Variants in CARMIL1 observed in about 807,000 individuals in gnomAD.
The protein encoded by CARMIL1 is F-actin-uncapping protein LRRC16A.
CARMIL1 carries 90 observed loss-of-function variants against 177.1 expected under a neutral mutation model. The ratio of observed to expected loss-of-function variants is 0.51; its 90% confidence interval spans 0.43 to 0.61. The LOEUF (loss-of-function observed/expected upper bound fraction) is 0.61. Among genes scored for constraint, CARMIL1 ranks in the 20% least tolerant of loss-of-function variants. CARMIL1 has a pLI of 0.00. For synonymous variants in CARMIL1, 577 were observed against 606.2 expected (o/e 0.95, Z 0.71); for missense variants, 1,380 against 1,667.0 (o/e 0.83, Z 3.00).
rs1350831738 is a variant in CARMIL1, at chr6:25,515,657, G to A, written c.1633-18G>A. ...CTTTGATGAGACTGCTGAGTGCCGT[G>A]TGTCATTTGCTCCGCAGCCTCTGCA... On this transcript the variant is annotated intron_variant, in intron 20 of 36. Coordinates refer to ENST00000329474, the MANE Select transcript of CARMIL1 (RefSeq NM_017640.6). This position sits in a 1 kb window ranked among gnomAD's most constrained non-coding sequence, Gnocchi z 5.0. 1 of 1,586,196 alleles carries A rather than the reference G, an allele frequency of 6.3e-7. No individual in the cohort carries two copies. The highest frequency in any genetic ancestry group is 1.8e-5 in the Admixed American group (1 of 56,062).
intron 2 of CARMIL1, among the ~76,000 whole-genome samples, chr6:25,419,389 A>G (rs1795640545): frequency 6.6e-6 from 1 of 152,162 alleles, no homozygotes; most frequent in African/African-American, 2.4e-5. Flanking sequence ...CAGAGTGGAA[A>G]GTTTTGTAGT....
chr6:25,535,368 G>A (rs1413682185), intron 24 of CARMIL1, among the ~76,000 whole-genome samples: 1 of 152,192 alleles, frequency 6.6e-6, no homozygotes, highest in African/African-American at 2.4e-5. Context: ...ATTTAAATAT[G>A]TGCAGGACTG....
chr6:25,613,676 T>C (rs1160168878), intron 36 of CARMIL1, among the ~76,000 whole-genome samples: 1 of 152,240 alleles, frequency 6.6e-6, no homozygotes, highest in African/African-American at 2.4e-5. Flanking sequence ...CTGGTTAATA[T>C]ATTAACTTCT....
At chr6:25,618,068 A>C (rs1000974319) in intron 36 of CARMIL1, among the ~76,000 whole-genome samples, 2 of 152,130 alleles carry the variant, frequency 1.3e-5, no homozygotes, top group African/African-American at 2.4e-5. Context: ...CAGAGTTTTG[A>C]GTTATTTCAA....
chr6:25,397,439 C>G (rs897129154), intron 2 of CARMIL1, among the ~76,000 whole-genome samples: 2 of 152,140 alleles, frequency 1.3e-5, no homozygotes, highest in Admixed American at 6.5e-5. Flanking sequence ...GAGGGACAAG[C>G]AGTCAATAGG....
At chr6:25,342,144 A>G (rs1363638828) in intron 2 of CARMIL1, among the ~76,000 whole-genome samples, 4 of 152,214 alleles carry the variant, frequency 2.6e-5, no homozygotes, top group African/African-American at 9.6e-5. Context: ...AATGGTTCAG[A>G]TGGAATGGGA....
At chr6:25,613,513 C>T (rs983411107) in intron 36 of CARMIL1, among the ~76,000 whole-genome samples, 2 of 152,142 alleles carry the variant, frequency 1.3e-5, no homozygotes, top group African/African-American at 2.4e-5. Context: ...GTAGTAAATT[C>T]TGTAATGTTC....
At chr6:25,563,402 A>T in intron 29 of CARMIL1, 1 of 985,272 alleles carries the variant, frequency 1.0e-6, no homozygotes, top group Admixed American at 6.1e-5. Context: ...TAAGGATGTA[A>T]TTCTTGTCTG....
intron 26 of CARMIL1, among the ~76,000 whole-genome samples, chr6:25,546,669 C>CAAAAAAAAAA (rs58285338): frequency 7.1e-4 from 82 of 115,386 alleles, no homozygotes; most frequent in Non-Finnish European, 9.1e-4. Flanking sequence ...ACAACAACAA[C>CAAAAAAAAAA]AAAAAAAAAA....
In CARMIL1 at chr6:25,367,905, A is replaced by C. The variant is rs113737698; in HGVS notation, c.139-52209A>C. On this transcript the variant is annotated intron_variant, in intron 2 of 36. Transcript: ENST00000329474. ...TCCCGAATAGCTGGGATTTACAGGC[A>C]CATGCCACCATACCCGGCTGATTTT... 3.1e-3 allele frequency among the ~76,000 whole-genome samples: 466 copies of C among 152,310 alleles called. 1 individual carries two copies. The highest frequency in any genetic ancestry group is 0.01 in the African/African-American group (428 of 41,570).
chr6:25,345,091 C>T (rs1019384471), intron 2 of CARMIL1, among the ~76,000 whole-genome samples: 1 of 152,224 alleles, frequency 6.6e-6, no homozygotes, highest in East Asian at 1.9e-4. Context: ...CACCTTAACT[C>T]ACCGTACTTC....
chr6:25,494,845 T>A (rs1198180372), intron 15 of CARMIL1, among the ~76,000 whole-genome samples: 11 of 152,212 alleles, frequency 7.2e-5, no homozygotes, highest in Admixed American at 7.2e-4. Flanking sequence ...AGTTTCCTGA[T>A]CAAGAGGTAA....
intron 2 of CARMIL1, among the ~76,000 whole-genome samples, chr6:25,336,031 G>A (rs1786186737): frequency 6.6e-6 from 1 of 150,390 alleles, no homozygotes; most frequent in Non-Finnish European, 1.5e-5. Context: ...TTCAGTTTAG[G>A]CCCTAGATTG....
At chr6:25,390,937 A>T (rs1792755960) in intron 2 of CARMIL1, among the ~76,000 whole-genome samples, 1 of 152,120 alleles carries the variant, frequency 6.6e-6, no homozygotes, top group Admixed American at 6.6e-5. Context: ...GCTGACCTCA[A>T]GTGATCCACC....
intron 8 of CARMIL1, among the ~76,000 whole-genome samples, chr6:25,459,242 C>CTTTCT (rs1562167193): frequency 9.9e-6 from 1 of 100,780 alleles, no homozygotes; most frequent in Admixed American, 1.2e-4. Flanking sequence ...TTCTTTCTTT[C>CTTTCT]TTTCTTTCTT....
intron 4 of CARMIL1, among the ~76,000 whole-genome samples, chr6:25,434,075 TG>T (rs1298407675): frequency 2.0e-5 from 3 of 152,172 alleles, no homozygotes; most frequent in African/African-American, 7.2e-5. Flanking sequence ...GGGAATTTTT[TG>T]GGGGGTAGGA....
intron 2 of CARMIL1, among the ~76,000 whole-genome samples, chr6:25,399,848 T>C (rs997174030): frequency 2.0e-5 from 3 of 152,246 alleles, no homozygotes; most frequent in African/African-American, 7.2e-5. Flanking sequence ...TAATTCTCAT[T>C]AGATAACTAG....
chr6:25,301,448 G>A (rs185815392), intron 2 of CARMIL1, among the ~76,000 whole-genome samples: 1 of 152,262 alleles, frequency 6.6e-6, no homozygotes, highest in Admixed American at 6.5e-5. Flanking sequence ...GCCCAACTGG[G>A]CAGCTGCTCA....
At chr6:25,521,617 A>C (rs1005421691) in intron 23 of CARMIL1, among the ~76,000 whole-genome samples, 10 of 152,044 alleles carry the variant, frequency 6.6e-5, no homozygotes, top group Admixed American at 2.6e-4. Context: ...AAAATACAAA[A>C]AATTAGCCTG....
Sources: allele counts gnomAD v4.1 joint callset (sites outside exome capture counted in the v4.1 genomes callset), GRCh38; gene constraint gnomAD v4.1.1; non-coding constraint Gnocchi (gnomAD v3.1); transcripts MANE v1.5; gene names NCBI Gene and HGNC (gene_info 2026-07-23, HGNC 2026-07-21).